The following PIK3R3 variants were observed in gnomAD, a reference collection of about 807,000 sequenced individuals.
PIK3R3 encodes phosphatidylinositol 3-kinase regulatory subunit gamma.
PIK3R3 carries 64 observed loss-of-function variants against 62.9 expected under a neutral mutation model. The ratio of observed to expected loss-of-function variants is 1.02; its 90% CI spans 0.83 to 1.25. The LOEUF is 1.25. PIK3R3 is among the 50% of genes most tolerant of loss of function. The pLI is 0.00. For missense variants in PIK3R3, 614 were observed against 561.6 expected (o/e 1.09, Z -0.94); for synonymous variants, 165 against 189.0 (o/e 0.87, Z 1.04).
At position 46,042,757 on chromosome 1, in the gene PIK3R3, T is replaced by C. The variant is rs1647019041; in HGVS notation, c.*916A>G. 2 of 199,340 alleles carry C rather than the reference T, an allele frequency of 1.0e-5. No individual in the cohort carries two copies. The highest frequency in any genetic ancestry group is 1.7e-3 in the Middle Eastern group (1 of 598). 12.3% of individuals were successfully genotyped at this position (199,340 alleles called of 1,614,324 possible). A position where few individuals can be genotyped will look rare whatever the true frequency, so the allele number is the denominator to read the frequency against. The stretch of plus-strand genomic sequence containing the variant: ...AGGTTTCAAACAACAGATCATTCTT[T>C]AGGCTAAGGAAACACCATACAAGCA... On this transcript the variant is annotated 3_prime_UTR_variant, in exon 10 of 10. Coordinates refer to ENST00000262741, the MANE Select transcript of PIK3R3 (RefSeq NM_003629.4). The surrounding 1 kb of genome is among the most constrained non-coding windows in gnomAD (Gnocchi z 4.3).
the PIK3R3 span, among the ~76,000 whole-genome samples, chr1:46,145,817 C>T: frequency 2.6e-5 from 4 of 152,324 alleles, no homozygotes; most frequent in African/African-American, 9.6e-5. Context: ...ACTGACAATG[C>T]TCTCCTTAGG....
At chr1:46,084,664 T>C (rs1402254691) in intron 1 of PIK3R3, among the ~76,000 whole-genome samples, 1 of 152,204 alleles carries the variant, frequency 6.6e-6, no homozygotes, top group Non-Finnish European at 1.5e-5. Context: ...AGCACTGCAC[T>C]ATAGCTATGA....
chr1:46,073,634 C>T (rs1321948972), intron 3 of PIK3R3, among the ~76,000 whole-genome samples: 1 of 151,778 alleles, frequency 6.6e-6, no homozygotes, highest in Non-Finnish European at 1.5e-5. Flanking sequence ...TTTCTTTTTT[C>T]TTTGAGATGG....
chr1:46,098,471 G>A (rs978328974), intron 1 of PIK3R3, among the ~76,000 whole-genome samples: 4 of 152,144 alleles, frequency 2.6e-5, no homozygotes, highest in Non-Finnish European at 5.9e-5. Context: ...TGGTGAATGG[G>A]AAAACAAATA....
intron 1 of PIK3R3, among the ~76,000 whole-genome samples, chr1:46,089,032 A>C (rs1651354908): frequency 6.6e-6 from 1 of 152,220 alleles, no homozygotes; most frequent in Admixed American, 6.5e-5. Context: ...TATCAATTAC[A>C]TATGATGGTA....
intron 3 of PIK3R3, among the ~76,000 whole-genome samples, chr1:46,068,683 C>T (rs1293985727): frequency 6.6e-6 from 1 of 152,000 alleles, no homozygotes; most frequent in Non-Finnish European, 1.5e-5. Flanking sequence ...GAGAGAGGTG[C>T]GGTAAGGGCA....
At chr1:46,135,536 T>C (rs1250566411), upstream of PIK3R3, among the ~76,000 whole-genome samples, 1 of 152,200 alleles carries the variant, frequency 6.6e-6, no homozygotes, top group Non-Finnish European at 1.5e-5. Flanking sequence ...CTTTTCACCC[T>C]GGTATGGTTT....
chr1:46,069,518 C>CAAA (rs75345654), intron 3 of PIK3R3, among the ~76,000 whole-genome samples: 1 of 107,064 alleles, frequency 9.3e-6, no homozygotes, highest in Admixed American at 9.7e-5. Flanking sequence ...GATGCCATCT[C>CAAA]AAAAAAAAAA....
chr1:46,109,289 C>G (rs1653512165), intron 1 of PIK3R3, among the ~76,000 whole-genome samples: 2 of 152,104 alleles, frequency 1.3e-5, no homozygotes, highest in Admixed American at 1.3e-4. Flanking sequence ...CTCCCAGTTA[C>G]TCTTCTATTG....
chr1:46,111,585 G>A (rs992927565), intron 1 of PIK3R3, among the ~76,000 whole-genome samples: 14 of 152,058 alleles, frequency 9.2e-5, no homozygotes, highest in South Asian at 2.1e-4. Context: ...AATTAGCCGC[G>A]TGTAGCTGTG....
chr1:46,043,401 A>C lies in PIK3R3; in HGVS notation c.*272T>G, dbSNP rs1236428754. On this transcript the variant is annotated 3_prime_UTR_variant, in exon 10 of 10. Transcript: ENST00000262741. Reference sequence around the variant, plus strand: ...ATATTCTGTTGAGGGTGTCTGGCTAAACAAAACAAAAACCCCAATGAAACA... The same window carrying C: ...ATATTCTGTTGAGGGTGTCTGGCTACACAAAACAAAAACCCCAATGAAACA... 2.1e-6 allele frequency: 1 copy of C among 466,642 alleles called. No homozygotes were observed. The highest frequency in any genetic ancestry group is 1.9e-5 in the African/African-American group (1 of 51,496). The allele number at this position is 466,642 out of a possible 1,614,324, so 28.9% of individuals were successfully genotyped here.
intron 1 of PIK3R3, among the ~76,000 whole-genome samples, chr1:46,127,567 T>C (rs1302920255): frequency 1.3e-5 from 2 of 152,258 alleles, no homozygotes; most frequent in East Asian, 1.9e-4. Flanking sequence ...ATCAGTTGTG[T>C]ATAGGTAATC....
At chr1:46,078,568 T>G (rs1182906499) in intron 2 of PIK3R3, among the ~76,000 whole-genome samples, 1 of 152,030 alleles carries the variant, frequency 6.6e-6, no homozygotes, top group Non-Finnish European at 1.5e-5. Flanking sequence ...TAATAAAACA[T>G]ATTAAGTCCT....
intron 2 of PIK3R3, among the ~76,000 whole-genome samples, chr1:46,080,161 T>C (rs1458620730): frequency 2.7e-5 from 4 of 150,150 alleles, no homozygotes; most frequent in African/African-American, 9.8e-5. Flanking sequence ...TCCCAGGTTG[T>C]AGCAATTCTC....
chr1:46,092,238 T>C (rs191584755), intron 1 of PIK3R3, among the ~76,000 whole-genome samples: 8 of 152,374 alleles, frequency 5.3e-5, no homozygotes, highest in Non-Finnish European at 7.3e-5. Flanking sequence ...TCTGATTCCA[T>C]TGATCCAGAA....
At chr1:46,115,517 G>T (rs1654108805) in intron 1 of PIK3R3, among the ~76,000 whole-genome samples, 2 of 152,222 alleles carry the variant, frequency 1.3e-5, no homozygotes, top group South Asian at 4.2e-4. Context: ...AATAAACAAT[G>T]AATAATACTG....
At chr1:46,073,104 G>C (rs531959468) in intron 3 of PIK3R3, among the ~76,000 whole-genome samples, 2 of 152,198 alleles carry the variant, frequency 1.3e-5, no homozygotes, top group Non-Finnish European at 2.9e-5. Context: ...GACAGACTAG[G>C]TGGGAAGGGA....
intron 1 of PIK3R3, among the ~76,000 whole-genome samples, chr1:46,125,087 G>A (rs927261825): frequency 2.0e-5 from 3 of 152,124 alleles, no homozygotes; most frequent in East Asian, 1.9e-4. Context: ...GGACAAGAGC[G>A]AGACTTTGTC....
chr1:46,132,085 ACCAGTC>A lies in PIK3R3; in HGVS notation c.-139_-134del, dbSNP rs1444786467. ...TACTTCGGGTTTTCCAACGGCCAGT[ACCAGTC>A]CGGCCAAACTACCCGAACAGGGTCC... On this transcript the variant is annotated 5_prime_UTR_variant, in exon 1 of 10. Coordinates refer to ENST00000262741, the MANE Select transcript of PIK3R3 (RefSeq NM_003629.4). 3 of 1,440,810 alleles carry A rather than the reference ACCAGTC, an allele frequency of 2.1e-6. No individual in the cohort carries two copies. The African/African-American group carries it at 4.3e-5, about 21-fold the overall frequency. The allele number at this position is 1,440,810 out of a possible 1,614,324, so 89.3% of individuals were successfully genotyped here.
Sources: allele counts gnomAD v4.1 joint callset (sites outside exome capture counted in the v4.1 genomes callset), GRCh38; gene constraint gnomAD v4.1.1; non-coding constraint Gnocchi (gnomAD v3.1); transcripts MANE v1.5; gene names NCBI Gene and HGNC (gene_info 2026-07-23, HGNC 2026-07-21).